The following KDM4D variants were observed in gnomAD, a reference collection of about 807,000 sequenced individuals.
KDM4D encodes lysine-specific demethylase 4D.
For synonymous variants in KDM4D, 254 were observed against 249.1 expected (o/e 1.02, Z -0.19); for missense variants, 427 against 674.8 (o/e 0.63, Z 4.07).
intron 2 of KDM4D, among the ~76,000 whole-genome samples, chr11:94,986,837 A>T (rs2134112252): frequency 6.6e-6 from 1 of 152,312 alleles, no homozygotes; most frequent in Non-Finnish European, 1.5e-5. Flanking sequence ...GATAAATAAA[A>T]ACACGTTCAC....
chr11:94,983,272 T>TAAA lies in KDM4D; in HGVS notation c.-350+7536_-350+7538dup, dbSNP rs34326231. ...AATGGTGGCAAACAACTGGATTTCT[T>TAAA]AAAAAAAAAAAAAAGTTCTGTTTCT... On this transcript the variant is annotated intron_variant, in intron 2 of 2. Transcript: ENST00000335080. 2.9e-5 allele frequency among the ~76,000 whole-genome samples: 4 copies of TAAA among 139,582 alleles called. No homozygotes were observed. The East Asian group carries it at 6.1e-4, about 21-fold the overall frequency. The allele number at this position is 139,582 out of a possible 152,430, so 91.6% of individuals were successfully genotyped here. A position where few individuals can be genotyped will look rare whatever the true frequency, so the allele number is the denominator to read the frequency against.
chr11:94,990,646 T>C (rs1332663551), intron 2 of KDM4D, among the ~76,000 whole-genome samples: 1 of 152,090 alleles, frequency 6.6e-6, no homozygotes, highest in Non-Finnish European at 1.5e-5. Context: ...GGAAAACAGG[T>C]AGTGGCCAGT....
In KDM4D at chr11:94,977,624, G is replaced by GT. The variant is rs202029844; in HGVS notation, c.-350+1877dup. Among the ~76,000 whole-genome samples the GT allele has an allele frequency of 1.5e-4, 23 of 151,986 alleles. No individual in the cohort carries two copies. In the East Asian group the frequency reaches 4.4e-3, roughly 29 times the overall value. ...TCTGTCCCCTAACATTCTGTACTCC[G>GT]TATCTCCCTTCCCCTCTTTCTTCTT... On this transcript the variant is annotated intron_variant, in intron 2 of 2. Transcript: ENST00000335080.
At position 94,997,239 on chromosome 11, in the gene KDM4D, C is replaced by CAAAA; in HGVS notation, c.-127_-124dup. On this transcript the variant is annotated 5_prime_UTR_variant, in exon 3 of 3. Coordinates refer to ENST00000335080, the MANE Select transcript of KDM4D (RefSeq NM_018039.3). Reference sequence around the variant, plus strand: ...CCAAGAAAGATTATCATCTCATTTGCAAAAAAAAAAGTACGCTGGTAGATC... The same window carrying CAAAA: ...CCAAGAAAGATTATCATCTCATTTGCAAAAAAAAAAAAAAGTACGCTGGTAGATC... 4.8e-6 allele frequency: 2 copies of CAAAA among 414,688 alleles called. No homozygotes were observed. The highest frequency in any genetic ancestry group is 4.1e-5 in the Admixed American group (1 of 24,634). The allele number at this position is 414,688 out of a possible 1,614,324, so 25.7% of individuals were successfully genotyped here. A position where few individuals can be genotyped will look rare whatever the true frequency, so the allele number is the denominator to read the frequency against.
rs1555099617 is a variant in KDM4D at position 94,998,693 on chromosome 11, G to A, written c.1321G>A (p.Ala441Thr). 1 of 1,614,184 alleles carries A rather than the reference G, an allele frequency of 6.2e-7. No individual in the cohort carries two copies. Among genetic ancestry groups the A allele is most frequent in the African/African-American group, 1.3e-5 (1 of 75,040 alleles). ...TCCATCATCCACCCCTGGTCCATCT[G>A]CACAGATTATCCACCCGTCAAATGG... ...STPSSTPGPS[A>T]QIIHPSNGRR... The change falls in exon 3 of 3, where the codon GCA becomes ACA. Residue 441 changes from alanine (A) to threonine (T), a missense_variant. Physicochemically the swap from Ala to Thr is moderately conservative, Grantham distance 58 (BLOSUM62 0). Coordinates refer to ENST00000335080, the MANE Select transcript of KDM4D (RefSeq NM_018039.3). The surrounding 1 kb of genome is among the most constrained non-coding windows in gnomAD (Gnocchi z 6.7).
chr11:94,990,140 A>G (rs1857922830), intron 2 of KDM4D, among the ~76,000 whole-genome samples: 1 of 152,208 alleles, frequency 6.6e-6, no homozygotes, highest in Admixed American at 6.5e-5. Context: ...TTTTGGAGAG[A>G]GAAGCAAGCA....
At chr11:94,988,764 A>G (rs907277423) in intron 2 of KDM4D, among the ~76,000 whole-genome samples, 27 of 152,242 alleles carry the variant, frequency 1.8e-4, no homozygotes, top group African/African-American at 6.0e-4. Context: ...TGAGCTACTT[A>G]ATAATCTCTA....
At position 94,999,332 on chromosome 11, in the gene KDM4D, T is replaced by A. The variant is rs781793975; in HGVS notation, c.*388T>A. ...ATCCTGAGCTTTGATTCCTCTTCAG[T>A]CTACGCATTTCTCTCTTCCCCTCCC... On this transcript the variant is annotated 3_prime_UTR_variant, in exon 3 of 3. Transcript: ENST00000335080. The A allele has an allele frequency of 2.7e-3, 464 of 173,752 alleles. 3 individuals carry two copies. Among genetic ancestry groups the A allele is most frequent in the Non-Finnish European group, 2.2e-3 (160 of 72,964 alleles). 10.8% of individuals were successfully genotyped at this position (173,752 alleles called of 1,614,324 possible).
Position 94,997,849 on chromosome 11 carries a change from A to G in KDM4D, c.477A>G (p.Thr159=). Residue 159 remains threonine, a synonymous_variant, in exon 3 of 3, where the codon ACA becomes ACG. Coordinates refer to ENST00000335080, the MANE Select transcript of KDM4D (RefSeq NM_018039.3). ...TKQWNLGHLG[T]IQDLLEKECG... ...AATGGAATCTTGGGCACCTGGGAAC[A>G]ATTCAGGACCTGCTGGAAAAGGAAT... 6.2e-7 allele frequency: 1 copy of G among 1,614,258 alleles called. No individual in the cohort carries two copies. Among genetic ancestry groups the G allele is most frequent in the Non-Finnish European group, 8.5e-7 (1 of 1,180,036 alleles).
intron 2 of KDM4D, among the ~76,000 whole-genome samples, chr11:94,991,178 TAGG>T (rs1857931432): frequency 6.6e-6 from 1 of 152,218 alleles, no homozygotes; most frequent in South Asian, 2.1e-4. Flanking sequence ...ATATCAGTGT[TAGG>T]AGTTCACCTA....
intron 2 of KDM4D, among the ~76,000 whole-genome samples, chr11:94,996,061 T>C (rs782051971): frequency 3.3e-5 from 5 of 152,222 alleles, no homozygotes; most frequent in Non-Finnish European, 1.5e-5. Flanking sequence ...CTTTATTCTT[T>C]GTTAGTTCCG....
chr11:94,981,136 C>T (rs1857838956), intron 2 of KDM4D, among the ~76,000 whole-genome samples: 3 of 152,122 alleles, frequency 2.0e-5, no homozygotes, highest in African/African-American at 7.2e-5. Context: ...AATACTTTCT[C>T]TGCATCTAAT....
At position 94,998,999 on chromosome 11, in the gene KDM4D, C is replaced by T; in HGVS notation, c.*55C>T. 1 of 1,452,154 alleles carries T rather than the reference C, an allele frequency of 6.9e-7. No homozygotes were observed. The highest frequency in any genetic ancestry group is 9.1e-7 in the Non-Finnish European group (1 of 1,098,570). 90.0% of individuals were successfully genotyped at this position (1,452,154 alleles called of 1,614,324 possible). The stretch of plus-strand genomic sequence containing the variant: ...CCTGCTGTGTGACAGTTTGATGAAA[C>T]TGGTTACATTTACATCCCAAAACTT... On this transcript the variant is annotated 3_prime_UTR_variant, in exon 3 of 3. Coordinates refer to ENST00000335080, the MANE Select transcript of KDM4D (RefSeq NM_018039.3). The surrounding 1 kb of genome is among the most constrained non-coding windows in gnomAD (Gnocchi z 6.7).
intron 2 of KDM4D, among the ~76,000 whole-genome samples, chr11:94,989,732 TTCTC>T (rs199925760): frequency 7.0e-6 from 1 of 142,196 alleles, no homozygotes; most frequent in Non-Finnish European, 1.5e-5. Context: ...TTAACCTTCT[TTCTC>T]TCTCTCTCTC....
rs1400691825 is a variant in KDM4D at position 94,975,656 on chromosome 11, C to CTTAT, written c.-442_-441insTTAT. 1 of 151,966 alleles carries CTTAT rather than the reference C, an allele frequency of 6.6e-6. No homozygotes were observed. The highest frequency in any genetic ancestry group is 2.4e-5 in the African/African-American group (1 of 41,376). The allele number at this position is 151,966 out of a possible 1,614,324, so 9.4% of individuals were successfully genotyped here. A position where few individuals can be genotyped will look rare whatever the true frequency, so the allele number is the denominator to read the frequency against. On this transcript the variant is annotated 5_prime_UTR_variant, in exon 2 of 3. An upstream open reading frame in the 5' UTR loses its in-frame stop. Transcript: ENST00000335080. The stretch of plus-strand genomic sequence containing the variant: ...TATTGTCTATCTTCCTATATTAGAA[C>CTTAT]ATAAGTTCCAGGAAAGCAGGAACCT...
At chr11:94,976,613 C>A (rs1471338086) in intron 2 of KDM4D, among the ~76,000 whole-genome samples, 1 of 152,052 alleles carries the variant, frequency 6.6e-6, no homozygotes, top group Non-Finnish European at 1.5e-5. Context: ...TCATTTTTAT[C>A]AGCTTTTGGA....
chr11:94,976,228 C>T (rs587663533), intron 2 of KDM4D, among the ~76,000 whole-genome samples: 63 of 152,188 alleles, frequency 4.1e-4, no homozygotes, highest in African/African-American at 1.5e-3. Flanking sequence ...TTCTGCCTGC[C>T]AGTCCTCTTA....
intron 2 of KDM4D, among the ~76,000 whole-genome samples, chr11:94,977,706 C>G (rs1303941934): frequency 6.6e-6 from 1 of 151,932 alleles, no homozygotes; most frequent in Non-Finnish European, 1.5e-5. Context: ...TCTTCCATGA[C>G]CCTATATAAT....
intron 2 of KDM4D, among the ~76,000 whole-genome samples, chr11:94,983,374 G>C (rs1404854920): frequency 1.3e-5 from 2 of 151,708 alleles, no homozygotes; most frequent in East Asian, 3.9e-4. Flanking sequence ...AAGAAAATAT[G>C]ATCTTTTTGA....
Sources: allele counts gnomAD v4.1 joint callset (sites outside exome capture counted in the v4.1 genomes callset), GRCh38; gene constraint gnomAD v4.1.1; non-coding constraint Gnocchi (gnomAD v3.1); transcripts MANE v1.5; gene names NCBI Gene and HGNC (gene_info 2026-07-23, HGNC 2026-07-21).